ANKHD1: variants seen among roughly 807,000 people sequenced by gnomAD.
ANKHD1 encodes ankyrin repeat and KH domain containing 1, also known as ankyrin repeat and KH domain-containing protein 1.
Under a neutral mutation model 230.5 loss-of-function variants are expected in ANKHD1, and 31 were observed. The ratio of observed to expected loss-of-function variants is 0.13; its 90% CI spans 0.10 to 0.18. The LOEUF (loss-of-function observed/expected upper bound fraction) is 0.18, where lower values mean the gene tolerates loss of function less well. ANKHD1 is among the 10% of genes least tolerant of loss of function. The pLI is 1.00. For synonymous variants in ANKHD1, 1,074 were observed against 1,117.6 expected, an observed-to-expected ratio of 0.96 and a Z score of 0.78; for missense variants, 2,256 against 3,071.3, an observed-to-expected ratio of 0.73 and a Z score of 6.27.
rs766224866 is a variant in ANKHD1 at position 140,526,130 on chromosome 5, C to A, written c.4627C>A (p.Arg1543=). Residue 1543 remains arginine (R), a synonymous_variant, in exon 26 of 34, where the codon CGG becomes AGG. Coordinates refer to ENST00000360839, the MANE Select transcript of ANKHD1 (RefSeq NM_017747.3). ...ANVVTTPSTN[R]KNKKNKTKET... ...TGTGGTGACAACTCCCAGCACCAAT[C>A]GGAAAAATAAGAAGAACAAAACAAA... The A allele has an allele frequency of 6.2e-7, 1 of 1,613,530 alleles. No individual in the cohort carries two copies. Among genetic ancestry groups the A allele is most frequent in the Non-Finnish European group, 8.5e-7 (1 of 1,179,968 alleles).
intron 24 of ANKHD1, among the ~76,000 whole-genome samples, chr5:140,519,458 C>A (rs1051465184): frequency 6.6e-6 from 1 of 152,140 alleles, no homozygotes; most frequent in Non-Finnish European, 1.5e-5. Context: ...AAAAAAGAGC[C>A]CACATCGCCA....
At chr5:140,489,995 A>G (rs560243032) in intron 14 of ANKHD1, among the ~76,000 whole-genome samples, 59 of 152,242 alleles carry the variant, frequency 3.9e-4, no homozygotes, top group Non-Finnish European at 1.0e-4. Flanking sequence ...ACACTGAATT[A>G]CCAGGATAGG....
At position 140,448,750 on chromosome 5, in the gene ANKHD1, A is replaced by T. The variant is rs73265793; in HGVS notation, c.1148-461A>T. On this transcript the variant is annotated intron_variant, in intron 6 of 33. Coordinates refer to ENST00000360839, the MANE Select transcript of ANKHD1 (RefSeq NM_017747.3). Reference sequence around the variant, plus strand: ...TTTGTCATTTTCTTATTGACTATCAAGGCTTTTTATATATTCACTGTATCA... The same window carrying T: ...TTTGTCATTTTCTTATTGACTATCATGGCTTTTTATATATTCACTGTATCA... Among the ~76,000 whole-genome samples, 588 of 152,288 alleles carry T rather than the reference A, an allele frequency of 3.9e-3. 2 individuals are homozygous for T. The highest frequency in any genetic ancestry group is 0.014 in the African/African-American group (563 of 41,550).
chr5:140,463,838 G>A (rs1309561476), intron 9 of ANKHD1, among the ~76,000 whole-genome samples: 1 of 151,726 alleles, frequency 6.6e-6, no homozygotes, highest in Non-Finnish European at 1.5e-5. Context: ...TTGTTTGTTT[G>A]TTTGTTTTGG....
intron 10 of ANKHD1, chr5:140,472,320 A>C: frequency 6.2e-7 from 1 of 1,612,786 alleles, no homozygotes; most frequent in Non-Finnish European, 8.5e-7. Context: ...TGATGCTTGT[A>C]AGCTACTACG....
intron 9 of ANKHD1, 100 bp downstream of exon 9, chr5:140,459,455 T>G: frequency 4.5e-6 from 6 of 1,337,152 alleles, no homozygotes; most frequent in Non-Finnish European, 4.9e-6. Flanking sequence ...GATAATAGAA[T>G]GGTGGTTACC....
chr5:140,424,783 T>C (rs1044075558), intron 1 of ANKHD1, among the ~76,000 whole-genome samples: 1 of 152,220 alleles, frequency 6.6e-6, no homozygotes, highest in African/African-American at 2.4e-5. Context: ...TTCACTACAC[T>C]GGTTAGTATT....
In ANKHD1 at chr5:140,539,355, T is replaced by C; in HGVS notation, c.7570-4T>C. The C allele has an allele frequency of 6.2e-7, 1 of 1,613,388 alleles. No homozygotes were observed. Among genetic ancestry groups the C allele is most frequent in the Non-Finnish European group, 8.5e-7 (1 of 1,179,764 alleles). ...AAATTCCAATTTTTCCTCCCCCTTTTCAGATTTGGCCTGGCACGTGGGCAC... is the reference window on the plus strand; with the variant it reads ...AAATTCCAATTTTTCCTCCCCCTTTCCAGATTTGGCCTGGCACGTGGGCAC... On this transcript the variant is annotated splice_polypyrimidine_tract_variant and splice_region_variant and intron_variant, in intron 33 of 33. Transcript: ENST00000360839.
intron 1 of ANKHD1, among the ~76,000 whole-genome samples, chr5:140,433,276 G>A (rs750017458): frequency 5.3e-5 from 8 of 152,114 alleles, no homozygotes; most frequent in Non-Finnish European, 8.8e-5. Context: ...ATGTTGGCCA[G>A]GCTAGTCTTG....
chr5:140,538,380 T>G, intron 32 of ANKHD1, 119 bp downstream of exon 32: 1 of 1,492,038 alleles, frequency 6.7e-7, no homozygotes, highest in Admixed American at 2.2e-5. Flanking sequence ...TGCTAGATCT[T>G]TTGCTTAATT....
chr5:140,526,265 G>C lies in ANKHD1; in HGVS notation c.4762G>C (p.Gly1588Arg). ...INGEPRGGGA[G>R]GNSDSDNLDS... ...TGGAGAACCTAGAGGTGGTGGTGCAGGTGGGAATAGTGATTCAGATAACTT... is the reference window on the plus strand; with the variant it reads ...TGGAGAACCTAGAGGTGGTGGTGCACGTGGGAATAGTGATTCAGATAACTT... Residue 1588 changes from glycine (G) to arginine (R), a missense_variant, in exon 26 of 34, where the codon GGT becomes CGT. By Grantham distance (125) the Gly-to-Arg change is moderately radical. This residue lies in a region of ANKHD1 where 212 missense variants were observed against 257.3 expected (regional missense o/e 0.82). Transcript: ENST00000360839. 1 of 1,614,208 alleles carries C rather than the reference G, an allele frequency of 6.2e-7. No individual in the cohort carries two copies.
intron 1 of ANKHD1, among the ~76,000 whole-genome samples, chr5:140,419,784 T>TTCTTTCTC (rs772397260): frequency 0.084 from 5,726 of 68,534 alleles, 239 homozygotes; most frequent in East Asian, 0.2. Context: ...TTTTCTTTCT[T>TTCTTTCTC]TCTTTCTTTC....
Position 140,526,122 on chromosome 5 carries a change from G to T in ANKHD1, c.4619G>T (p.Ser1540Ile), listed in dbSNP as rs1753598506. 2 of 1,613,656 alleles carry T rather than the reference G, an allele frequency of 1.2e-6. No homozygotes were observed. Among genetic ancestry groups the T allele is most frequent in the Non-Finnish European group, 1.7e-6 (2 of 1,179,990 alleles). The change falls in exon 26 of 34, where the codon AGC (serine) becomes ATC (isoleucine). Residue 1540 changes from serine (S) to isoleucine (I), a missense_variant. This residue lies in a region of ANKHD1 where 212 missense variants were observed against 257.3 expected (regional missense o/e 0.82). Coordinates refer to ENST00000360839, the MANE Select transcript of ANKHD1 (RefSeq NM_017747.3). ...KKRANVVTTPSTNRKNKKNKT... is the reference protein window; with the variant it reads ...KKRANVVTTPITNRKNKKNKT... ...AGGGCCAATGTGGTGACAACTCCCA[G>T]CACCAATCGGAAAAATAAGAAGAAC...
chr5:140,455,050 G>C (rs1446476853), intron 7 of ANKHD1, among the ~76,000 whole-genome samples: 1 of 152,170 alleles, frequency 6.6e-6, no homozygotes, highest in African/African-American at 2.4e-5. Flanking sequence ...CGATCCCACA[G>C]AAATACAAAC....
intron 9 of ANKHD1, among the ~76,000 whole-genome samples, chr5:140,462,332 C>CTT (rs755816715): frequency 6.6e-6 from 1 of 152,114 alleles, no homozygotes; most frequent in Non-Finnish European, 1.5e-5. Flanking sequence ...GGGTGATACT[C>CTT]TAAGTTCTTT....
chr5:140,442,868 TTTTG>T (rs1332949662), intron 5 of ANKHD1, among the ~76,000 whole-genome samples: 1 of 152,114 alleles, frequency 6.6e-6, no homozygotes, highest in East Asian at 1.9e-4. Context: ...CTATGTGCAA[TTTTG>T]TTTGACTTCA....
Position 140,505,670 on chromosome 5 carries a change from TTAAAA to T in ANKHD1, c.3263-43_3263-39del, listed in dbSNP as rs547093997. ...TACTAGAGAATTGTAAACAGTGGCT[TTAAAA>T]TAAAATAAAAAACATAAATTTGTTT... On this transcript the variant is annotated intron_variant, in intron 17 of 33. Transcript: ENST00000360839. 266 of 1,546,200 alleles carry T rather than the reference TTAAAA, an allele frequency of 1.7e-4. 4 individuals carry two copies. In the South Asian group the frequency reaches 3.2e-3, roughly 19 times the overall value.
chr5:140,501,178 C>T (rs1378499231), intron 15 of ANKHD1, among the ~76,000 whole-genome samples: 1 of 150,526 alleles, frequency 6.6e-6, no homozygotes, highest in Non-Finnish European at 1.5e-5. Context: ...CAGGTTCAAG[C>T]GATTCCCCTT....
chr5:140,434,903 G>T (rs1773322138), intron 1 of ANKHD1, among the ~76,000 whole-genome samples: 1 of 151,920 alleles, frequency 6.6e-6, no homozygotes, highest in South Asian at 2.1e-4. Context: ...AGCTTTTTAA[G>T]GTATTTTGAT....
Sources: allele counts gnomAD v4.1 joint callset (sites outside exome capture counted in the v4.1 genomes callset), GRCh38; gene constraint gnomAD v4.1.1; regional missense constraint gnomAD v4.1.1; transcripts MANE v1.5; gene names NCBI Gene and HGNC (gene_info 2026-07-23, HGNC 2026-07-21).